Variants in CFAP300 observed in about 807,000 individuals in gnomAD.
The protein encoded by CFAP300 is cilia- and flagella-associated protein 300.
CFAP300 carries 32 observed loss-of-function variants against 33.0 expected under a neutral mutation model. The observed-to-expected ratio is 0.97, with a 90% CI of 0.73 to 1.30. The LOEUF (loss-of-function observed/expected upper bound fraction) is 1.30, where lower values mean the gene tolerates loss of function less well. Ranked by LOEUF, CFAP300 falls within the 50% of genes most tolerant of loss-of-function variation. CFAP300 has a pLI of 0.00. For synonymous variants in CFAP300, 102 were observed against 106.8 expected (o/e 0.95, Z 0.28); for missense variants, 356 against 318.1 (o/e 1.12, Z -0.90).
At chr11:102,077,991 C>T (rs1255812406) in intron 5 of CFAP300, among the ~76,000 whole-genome samples, 3 of 152,194 alleles carry the variant, frequency 2.0e-5, no homozygotes, top group Middle Eastern at 3.4e-3. Context: ...CCTGGGCTCA[C>T]GTAGTCCTCC....
At chr11:102,081,350 G>A in intron 6 of CFAP300, 69 bp downstream of exon 6, 1 of 1,268,212 alleles carries the variant, frequency 7.9e-7, no homozygotes. Context: ...GTTACAACTG[G>A]AGTTAACAAT....
At chr11:102,048,027 G>A (rs1193342394) in intron 2 of CFAP300, 131 bp downstream of exon 2, 10 of 770,310 alleles carry the variant, frequency 1.3e-5, no homozygotes, top group Non-Finnish European at 2.0e-5. Context: ...AGTAATAAAA[G>A]GTGCAAATGA....
rs557238763 is a variant in CFAP300 at position 102,055,627 on chromosome 11, C to T, written c.193-3253C>T. Among the ~76,000 whole-genome samples the T allele has an allele frequency of 6.7e-5, 10 of 149,926 alleles. No homozygotes were observed. In the South Asian group the frequency reaches 1.7e-3, roughly 25 times the overall value. On this transcript the variant is annotated intron_variant, in intron 2 of 6. Transcript: ENST00000434758. ...CCTCCCAAAGTGCTGGGACCATAGG[C>T]GTGAGGCACCACACCTGGCCATATA...
At chr11:102,079,432 A>G (rs988702223) in intron 5 of CFAP300, among the ~76,000 whole-genome samples, 1 of 152,254 alleles carries the variant, frequency 6.6e-6, no homozygotes, top group African/African-American at 2.4e-5. Flanking sequence ...CCTATGTCAT[A>G]GAAATATTTG....
rs186588490 is a variant in CFAP300 at position 102,060,067 on chromosome 11, G to A, written c.268+1112G>A. On this transcript the variant is annotated intron_variant, in intron 3 of 6. Coordinates refer to ENST00000434758, the MANE Select transcript of CFAP300 (RefSeq NM_032930.3). ...GCTCACTGCAACCTTCGTCTCCCAG[G>A]TTCAAACGATTCTCCTGCCTCAGCC... Among the ~76,000 whole-genome samples the A allele has an allele frequency of 3.4e-3, 514 of 152,244 alleles. 4 individuals are homozygous for A. The highest frequency in any genetic ancestry group is 5.6e-3 in the Admixed American group (86 of 15,284).
chr11:102,062,115 TA>T (rs1180127682), intron 3 of CFAP300, among the ~76,000 whole-genome samples: 1 of 152,108 alleles, frequency 6.6e-6, no homozygotes, highest in Non-Finnish European at 1.5e-5. Context: ...TAATAAGAAG[TA>T]AAAGCACTAG....
chr11:102,068,060 GC>G (rs1942254720), intron 4 of CFAP300, among the ~76,000 whole-genome samples: 1 of 152,130 alleles, frequency 6.6e-6, no homozygotes, highest in Non-Finnish European at 1.5e-5. Context: ...ACTTCTCTAA[GC>G]TTCAGTTTCT....
chr11:102,055,671 C>CT (rs1264720064), intron 2 of CFAP300, among the ~76,000 whole-genome samples: 12,750 of 112,526 alleles, frequency 0.11, 1,456 homozygotes, highest in African/African-American at 0.19. Context: ...CTAAACTACC[C>CT]TTTTTTTTTT....
At chr11:102,060,779 A>G (rs1009297293) in intron 3 of CFAP300, among the ~76,000 whole-genome samples, 2 of 152,162 alleles carry the variant, frequency 1.3e-5, no homozygotes, top group Admixed American at 6.5e-5. Context: ...TTAAAGTATT[A>G]GTCAAGAACA....
intron 6 of CFAP300, among the ~76,000 whole-genome samples, chr11:102,082,425 C>G (rs1417342126): frequency 6.6e-6 from 1 of 151,156 alleles, no homozygotes; most frequent in Non-Finnish European, 1.5e-5. Flanking sequence ...TAGAAAATTG[C>G]TAAATATAAA....
chr11:102,076,274 C>T (rs1175228974), intron 5 of CFAP300, among the ~76,000 whole-genome samples: 1 of 151,926 alleles, frequency 6.6e-6, no homozygotes, highest in African/African-American at 2.4e-5. Context: ...TCATCTAGCT[C>T]TTCTGCTTTT....
intron 4 of CFAP300, among the ~76,000 whole-genome samples, chr11:102,069,077 A>G (rs1301642340): frequency 6.6e-6 from 1 of 152,130 alleles, no homozygotes; most frequent in African/African-American, 2.4e-5. Context: ...CCAACAGAAT[A>G]CTCTGCAAAA....
intron 4 of CFAP300, among the ~76,000 whole-genome samples, chr11:102,073,910 T>C (rs1449156288): frequency 6.6e-6 from 1 of 152,168 alleles, no homozygotes; most frequent in Non-Finnish European, 1.5e-5. Flanking sequence ...AAGTGCGTGG[T>C]AGACCTCCTG....
chr11:102,076,842 A>ATTTATTT (rs1205922862), intron 5 of CFAP300, among the ~76,000 whole-genome samples: 1 of 152,214 alleles, frequency 6.6e-6, no homozygotes, highest in Non-Finnish European at 1.5e-5. Context: ...TATGCAATTA[A>ATTTATTT]TTTATTTTAT....
intron 5 of CFAP300, among the ~76,000 whole-genome samples, chr11:102,080,689 C>T (rs1312065331): frequency 9.9e-5 from 15 of 152,070 alleles, no homozygotes; most frequent in Admixed American, 7.9e-4. Flanking sequence ...CATGAGCCAC[C>T]GCGACCGGCC....
intron 4 of CFAP300, 47 bp downstream of exon 4, chr11:102,066,698 A>C: frequency 6.5e-7 from 1 of 1,543,556 alleles, no homozygotes; most frequent in Non-Finnish European, 8.7e-7. Context: ...TATTTCAGGA[A>C]ATGCAAAAAT....
intron 2 of CFAP300, among the ~76,000 whole-genome samples, chr11:102,050,198 C>T (rs746086897): frequency 2.0e-5 from 3 of 152,130 alleles, no homozygotes; most frequent in Non-Finnish European, 4.4e-5. Context: ...CCAGTGTGCA[C>T]AGATTCAGCT....
chr11:102,048,672 AAGTATGAAGCCGT>A (rs1169409153), intron 2 of CFAP300, among the ~76,000 whole-genome samples: 3 of 152,128 alleles, frequency 2.0e-5, no homozygotes, highest in African/African-American at 7.2e-5. Context: ...TCCCCCAAAA[AAGTATGAAGCCGT>A]AGCACAGTGA....
intron 2 of CFAP300, among the ~76,000 whole-genome samples, chr11:102,049,020 G>T (rs1434266199): frequency 6.6e-6 from 1 of 152,130 alleles, no homozygotes; most frequent in African/African-American, 2.4e-5. Flanking sequence ...AAGATTGTAC[G>T]GGCCTTGGCA....
Sources: gnomAD v4.1 joint callset for allele counts (sites outside exome capture counted in the v4.1 genomes callset) on GRCh38, gnomAD v4.1.1 for gene constraint, MANE v1.5 for transcripts, NCBI Gene and HGNC (gene_info 2026-07-23, HGNC 2026-07-21) for gene names.